The following LRRC4C variants were observed in gnomAD, a reference collection of about 807,000 sequenced individuals.
LRRC4C encodes leucine rich repeat containing 4C, also known as leucine-rich repeat-containing protein 4C.
In LRRC4C, 5 loss-of-function variants were observed where a neutral mutation model predicts 33.6. The observed-to-expected ratio is 0.15, with a 90% confidence interval of 0.08 to 0.31. The LOEUF is 0.31. Among genes scored for constraint, LRRC4C ranks in the 10% least tolerant of loss-of-function variants. The probability of loss-of-function intolerance (pLI) is 1.00; values close to 1 mark genes in which losing one functional copy is unlikely to be tolerated. For missense variants in LRRC4C, 560 were observed against 796.7 expected, an observed-to-expected ratio of 0.70 and a Z score of 3.58; for synonymous variants, 329 against 302.0, an observed-to-expected ratio of 1.09 and a Z score of -0.93.
chr11:40,414,389 C>A (rs988967409), intron 3 of LRRC4C, among the ~76,000 whole-genome samples: 7 of 151,972 alleles, frequency 4.6e-5, no homozygotes, highest in Non-Finnish European at 7.4e-5. Context: ...CTTTCATTAG[C>A]AAGAGTGCTG....
At chr11:41,155,197 G>C (rs1338585527) in intron 1 of LRRC4C, among the ~76,000 whole-genome samples, 1 of 152,044 alleles carries the variant, frequency 6.6e-6, no homozygotes, top group Non-Finnish European at 1.5e-5. Context: ...TGCATGTTTT[G>C]CTTAATTCCA....
At chr11:40,726,303 G>GA (rs1028118199) in intron 2 of LRRC4C, among the ~76,000 whole-genome samples, 4 of 152,122 alleles carry the variant, frequency 2.6e-5, no homozygotes, top group Non-Finnish European at 5.9e-5. Flanking sequence ...ACTTCTCTAT[G>GA]AAAACAGTAT....
chr11:40,464,397 T>C (rs557550203), intron 3 of LRRC4C, among the ~76,000 whole-genome samples: 1 of 151,932 alleles, frequency 6.6e-6, no homozygotes, highest in African/African-American at 2.4e-5. Context: ...TTGAAAGCTT[T>C]CCCCCAAGAC....
intron 3 of LRRC4C, among the ~76,000 whole-genome samples, chr11:40,444,838 T>C (rs924549014): frequency 4.6e-5 from 7 of 152,240 alleles, no homozygotes; most frequent in African/African-American, 1.7e-4. Flanking sequence ...GCTGTTTGTG[T>C]TGTAACCAAA....
chr11:41,103,193 A>G (rs1036557203), intron 1 of LRRC4C, among the ~76,000 whole-genome samples: 4 of 151,946 alleles, frequency 2.6e-5, no homozygotes, highest in African/African-American at 9.7e-5. Flanking sequence ...ATTGATAAGT[A>G]AAATATTATT....
chr11:40,953,492 A>C (rs1389655018), intron 1 of LRRC4C, among the ~76,000 whole-genome samples: 2 of 151,860 alleles, frequency 1.3e-5, no homozygotes, highest in Non-Finnish European at 2.9e-5. Context: ...TCTTGTCACC[A>C]TAATAAGAAT....
chr11:41,224,165 A>T (rs1947425530), intron 1 of LRRC4C, among the ~76,000 whole-genome samples: 1 of 152,180 alleles, frequency 6.6e-6, no homozygotes, highest in African/African-American at 2.4e-5. Flanking sequence ...TAAATTAATA[A>T]GAGAGAATTA....
intron 3 of LRRC4C, among the ~76,000 whole-genome samples, chr11:40,456,352 T>C (rs1021557864): frequency 6.6e-6 from 1 of 152,152 alleles, no homozygotes; most frequent in African/African-American, 2.4e-5. Context: ...ATCCAAATTA[T>C]GACTGTAATA....
intron 6 of LRRC4C, among the ~76,000 whole-genome samples, chr11:40,132,038 T>A (rs188137741): frequency 7.9e-4 from 120 of 152,302 alleles, no homozygotes; most frequent in African/African-American, 2.8e-3. Context: ...TGATTATATA[T>A]TTTTATAGAA....
At chr11:40,297,758 A>G (rs1246992379) in intron 4 of LRRC4C, among the ~76,000 whole-genome samples, 2 of 152,184 alleles carry the variant, frequency 1.3e-5, no homozygotes, top group Non-Finnish European at 2.9e-5. Flanking sequence ...TATGTTACAG[A>G]TTTCAACTCA....
intron 1 of LRRC4C, among the ~76,000 whole-genome samples, chr11:41,110,296 C>T (rs767652154): frequency 1.3e-5 from 2 of 151,960 alleles, no homozygotes; most frequent in Non-Finnish European, 2.9e-5. Context: ...TGACTTAATA[C>T]AGAATGCAAA....
chr11:40,198,494 C>T lies in LRRC4C; in HGVS notation c.-96+43025G>A, dbSNP rs114077757. 4.2e-3 allele frequency among the ~76,000 whole-genome samples: 637 copies of T among 152,314 alleles called. 3 individuals carry two copies. Among genetic ancestry groups the T allele is most frequent in the African/African-American group, 0.015 (613 of 41,574 alleles). On this transcript the variant is annotated intron_variant, in intron 5 of 6. Transcript: ENST00000528697. ...TATCAATGCAAATATTCCCAATCTA[C>T]ATGTCAAGATGCACCATAGCATGTA...
chr11:40,566,406 C>A (rs1466516270), intron 3 of LRRC4C, among the ~76,000 whole-genome samples: 3 of 151,954 alleles, frequency 2.0e-5, no homozygotes, highest in African/African-American at 7.2e-5. Context: ...AGACAGAAAT[C>A]AAATAAAACC....
chr11:41,431,876 G>A (rs541872371), intron 1 of LRRC4C, among the ~76,000 whole-genome samples: 1 of 152,100 alleles, frequency 6.6e-6, no homozygotes, highest in Non-Finnish European at 1.5e-5. Flanking sequence ...CCCACCTTAG[G>A]TTTTTGTGGT....
At chr11:40,220,942 C>T (rs1225459015) in intron 5 of LRRC4C, among the ~76,000 whole-genome samples, 3 of 150,488 alleles carry the variant, frequency 2.0e-5, no homozygotes, top group Non-Finnish European at 4.4e-5. Context: ...GTGATGAAAT[C>T]TCAGCTCACT....
chr11:40,535,382 T>C (rs1490172112), intron 3 of LRRC4C, among the ~76,000 whole-genome samples: 1 of 152,208 alleles, frequency 6.6e-6, no homozygotes, highest in African/African-American at 2.4e-5. Flanking sequence ...CTCTAGTGAC[T>C]ACCTTGATTC....
At chr11:41,317,063 C>G (rs1287138738) in intron 1 of LRRC4C, among the ~76,000 whole-genome samples, 1 of 152,210 alleles carries the variant, frequency 6.6e-6, no homozygotes, top group Non-Finnish European at 1.5e-5. Context: ...ATCTTGATCT[C>G]AGAAGTCAGC....
At chr11:40,685,204 C>T (rs902357688) in intron 2 of LRRC4C, among the ~76,000 whole-genome samples, 2 of 151,988 alleles carry the variant, frequency 1.3e-5, no homozygotes, top group Non-Finnish European at 2.9e-5. Context: ...CAACTGGCAC[C>T]TCTTCTTTGA....
At chr11:41,292,081 T>C (rs1408687470) in intron 1 of LRRC4C, among the ~76,000 whole-genome samples, 3 of 152,190 alleles carry the variant, frequency 2.0e-5, no homozygotes, top group Non-Finnish European at 2.9e-5. Context: ...TGCATGGAAC[T>C]GAACTTTCCT....
Sources: allele counts gnomAD v4.1 joint callset (sites outside exome capture counted in the v4.1 genomes callset), GRCh38; gene constraint gnomAD v4.1.1; transcripts MANE v1.5; gene names NCBI Gene and HGNC (gene_info 2026-07-23, HGNC 2026-07-21).